ULK4: variants seen among roughly 807,000 people sequenced by gnomAD.
ULK4 encodes the protein inactive serine/threonine-protein kinase ULK4.
A neutral mutation model predicts 160.6 loss-of-function variants in ULK4; 133 were observed. The observed-to-expected ratio is 0.83, with a 90% CI of 0.72 to 0.96. The LOEUF is 0.96. Ranked by LOEUF, ULK4 falls within the 40% of genes least tolerant of loss-of-function variation. The pLI is 0.00. For synonymous variants in ULK4, 534 were observed against 539.8 expected (o/e 0.99, Z 0.15); for missense variants, 1,580 against 1,499.5 (o/e 1.05, Z -0.89).
At chr3:41,878,820 T>A (rs1282341714) in intron 17 of ULK4, among the ~76,000 whole-genome samples, 1 of 151,866 alleles carries the variant, frequency 6.6e-6, no homozygotes, top group Non-Finnish European at 1.5e-5. Flanking sequence ...AATAGAGGCA[T>A]ATAATGTTTA....
intron 32 of ULK4, among the ~76,000 whole-genome samples, chr3:41,542,722 T>A (rs1443146399): frequency 6.6e-6 from 1 of 152,176 alleles, no homozygotes; most frequent in Non-Finnish European, 1.5e-5. Flanking sequence ...CATTCAGGGA[T>A]TTGACTTCTT....
intron 35 of ULK4, among the ~76,000 whole-genome samples, chr3:41,386,394 C>A (rs1038314733): frequency 2.0e-5 from 3 of 152,084 alleles, no homozygotes; most frequent in African/African-American, 7.2e-5. Flanking sequence ...TTTTTCTCTA[C>A]TTCTACTGAA....
At chr3:41,459,889 G>T (rs2083643538) in intron 33 of ULK4, among the ~76,000 whole-genome samples, 1 of 152,126 alleles carries the variant, frequency 6.6e-6, no homozygotes, top group Non-Finnish European at 1.5e-5. Flanking sequence ...GAATGTCTCA[G>T]CAAGGAGTCA....
intron 32 of ULK4, among the ~76,000 whole-genome samples, chr3:41,528,421 C>G (rs2643963): frequency 0.76 from 116,022 of 152,108 alleles, 44,491 homozygotes; most frequent in Middle Eastern, 0.81. Flanking sequence ...ATTTTGTAGC[C>G]TACTTGTAAG....
intron 29 of ULK4, among the ~76,000 whole-genome samples, chr3:41,675,640 C>T (rs1265511936): frequency 6.6e-6 from 1 of 152,048 alleles, no homozygotes; most frequent in African/African-American, 2.4e-5. Context: ...GATTTAGGAT[C>T]GGCCCTAAAT....
chr3:41,827,623 C>T (rs1057204787), intron 18 of ULK4, among the ~76,000 whole-genome samples: 1 of 152,072 alleles, frequency 6.6e-6, no homozygotes. Flanking sequence ...TCTGAATAGA[C>T]CAATAACAGG....
intron 18 of ULK4, among the ~76,000 whole-genome samples, chr3:41,823,557 T>C (rs2041222388): frequency 6.6e-6 from 1 of 152,234 alleles, no homozygotes; most frequent in Non-Finnish European, 1.5e-5. Flanking sequence ...AATCACACTC[T>C]GGTCTTCTGT....
At chr3:41,399,512 C>CT (rs979969728) in intron 34 of ULK4, among the ~76,000 whole-genome samples, 6 of 151,588 alleles carry the variant, frequency 4.0e-5, no homozygotes, top group Non-Finnish European at 2.9e-5. Context: ...AAAACTCTAA[C>CT]TTTTTTTTTA....
intron 27 of ULK4, 144 bp downstream of exon 27, chr3:41,704,913 C>T (rs2036816640): frequency 1.8e-6 from 1 of 569,956 alleles, no homozygotes; most frequent in African/African-American, 1.9e-5. Flanking sequence ...TTCCTATGTT[C>T]ATCCTGCCAG....
intron 34 of ULK4, among the ~76,000 whole-genome samples, chr3:41,405,053 G>A (rs1302060339): frequency 6.6e-6 from 1 of 152,086 alleles, no homozygotes; most frequent in Admixed American, 6.5e-5. Flanking sequence ...GCCAAGGTTT[G>A]GGGTATCATT....
intron 27 of ULK4, among the ~76,000 whole-genome samples, chr3:41,696,030 G>C (rs935275390): frequency 9.9e-5 from 15 of 152,198 alleles, no homozygotes; most frequent in African/African-American, 3.6e-4. Context: ...GACGCCCGCT[G>C]CCAAGCGGAC....
intron 31 of ULK4, among the ~76,000 whole-genome samples, chr3:41,602,325 A>AAAGGAAAGG (rs2125664220): frequency 7.8e-6 from 1 of 128,552 alleles, no homozygotes; most frequent in South Asian, 2.7e-4. Context: ...GGAAAGGAGG[A>AAAGGAAAGG]AGGGAAAGGA....
intron 22 of ULK4, among the ~76,000 whole-genome samples, chr3:41,753,569 C>G (rs980398774): frequency 1.3e-5 from 2 of 152,200 alleles, no homozygotes; most frequent in Non-Finnish European, 2.9e-5. Context: ...CAAAGAGTTA[C>G]AAGCCGGGAG....
chr3:41,415,289 C>T (rs1005941072), intron 34 of ULK4, among the ~76,000 whole-genome samples: 9 of 152,130 alleles, frequency 5.9e-5, no homozygotes, highest in African/African-American at 1.9e-4. Context: ...GTCTTTTCTG[C>T]TCTCCCTACT....
At chr3:41,887,999 CA>C (rs34663913) in intron 16 of ULK4, among the ~76,000 whole-genome samples, 1 of 148,030 alleles carries the variant, frequency 6.8e-6, no homozygotes, top group Non-Finnish European at 1.5e-5. Context: ...CCTGTCTCCA[CA>C]AAAAGAAAAA....
At chr3:41,705,970 C>T (rs1307884262) in intron 25 of ULK4, among the ~76,000 whole-genome samples, 1 of 152,144 alleles carries the variant, frequency 6.6e-6, no homozygotes, top group African/African-American at 2.4e-5. Flanking sequence ...GTCAATCAAG[C>T]TTTAGCTACC....
intron 35 of ULK4, among the ~76,000 whole-genome samples, chr3:41,374,138 G>T (rs2081428663): frequency 6.6e-6 from 1 of 152,062 alleles, no homozygotes; most frequent in African/African-American, 2.4e-5. Flanking sequence ...AATTGAGGCA[G>T]TAATTAACAG....
intron 31 of ULK4, among the ~76,000 whole-genome samples, chr3:41,589,112 C>A (rs1220234303): frequency 2.9e-5 from 3 of 104,602 alleles, no homozygotes; most frequent in African/African-American, 5.3e-5. Flanking sequence ...GAAAATTAGA[C>A]AAATATTAAA....
intron 27 of ULK4, among the ~76,000 whole-genome samples, chr3:41,686,090 G>A (rs763239688): frequency 6.6e-6 from 1 of 151,994 alleles, no homozygotes; most frequent in Admixed American, 6.6e-5. Flanking sequence ...ATGGACTTCT[G>A]GGTTCTAGAC....
Sources: allele counts gnomAD v4.1 joint callset (sites outside exome capture counted in the v4.1 genomes callset), GRCh38; gene constraint gnomAD v4.1.1; transcripts MANE v1.5; gene names NCBI Gene and HGNC (gene_info 2026-07-23, HGNC 2026-07-21).